Variants in ZNF804A observed in about 807,000 individuals in gnomAD.
ZNF804A encodes zinc finger protein 804A.
In ZNF804A, 2 loss-of-function variants were observed where a neutral mutation model predicts 16.5. That is an observed-to-expected ratio of 0.12 (90% CI 0.05 to 0.38). The LOEUF (loss-of-function observed/expected upper bound fraction) is 0.38. ZNF804A is among the 10% of genes least tolerant of loss of function. ZNF804A has a pLI of 0.99. For missense variants in ZNF804A, 1,473 were observed against 1,390.7 expected (o/e 1.06, Z -0.94); for synonymous variants, 534 against 489.6 (o/e 1.09, Z -1.20).
At chr2:184,635,850 T>C (rs970627395) in intron 1 of ZNF804A, among the ~76,000 whole-genome samples, 3 of 152,142 alleles carry the variant, frequency 2.0e-5, no homozygotes, top group South Asian at 4.1e-4. Flanking sequence ...GACTAGTTGA[T>C]AGATAATGAT....
At chr2:184,901,700 T>C (rs1685184576) in intron 2 of ZNF804A, among the ~76,000 whole-genome samples, 1 of 152,172 alleles carries the variant, frequency 6.6e-6, no homozygotes, top group Non-Finnish European at 1.5e-5. Context: ...CTAAATATTA[T>C]TGTAAATTCC....
chr2:184,622,850 G>A (rs926344487), intron 1 of ZNF804A, among the ~76,000 whole-genome samples: 4 of 151,934 alleles, frequency 2.6e-5, no homozygotes, highest in African/African-American at 9.7e-5. Flanking sequence ...AAAATTTTCA[G>A]TGCCTATAAG....
At chr2:184,885,021 A>G (rs149652768) in intron 2 of ZNF804A, among the ~76,000 whole-genome samples, 2 of 152,318 alleles carry the variant, frequency 1.3e-5, no homozygotes, top group East Asian at 1.9e-4. Flanking sequence ...AAACAACCCC[A>G]TTAAAAAGTA....
At chr2:184,626,146 G>T (rs1287262044) in intron 1 of ZNF804A, among the ~76,000 whole-genome samples, 1 of 152,092 alleles carries the variant, frequency 6.6e-6, no homozygotes, top group African/African-American at 2.4e-5. Context: ...GGGATTACAG[G>T]CATGAGCCAC....
intron 1 of ZNF804A, among the ~76,000 whole-genome samples, chr2:184,754,090 T>C (rs898966219): frequency 1.3e-5 from 2 of 151,898 alleles, no homozygotes; most frequent in Admixed American, 6.6e-5. Flanking sequence ...TTTCATCTGG[T>C]AACCTTACTT....
chr2:184,911,096 C>G (rs1685349395), intron 2 of ZNF804A, among the ~76,000 whole-genome samples: 1 of 151,766 alleles, frequency 6.6e-6, no homozygotes. Flanking sequence ...TTCTACGATT[C>G]TTATAGTTTG....
chr2:184,729,981 T>C (rs1479563868), intron 1 of ZNF804A, among the ~76,000 whole-genome samples: 1 of 152,146 alleles, frequency 6.6e-6, no homozygotes, highest in African/African-American at 2.4e-5. Flanking sequence ...AAATTACTAG[T>C]ATTGGTCCTG....
At chr2:184,603,821 C>T (rs1423576481) in intron 1 of ZNF804A, among the ~76,000 whole-genome samples, 4 of 151,928 alleles carry the variant, frequency 2.6e-5, no homozygotes, top group African/African-American at 4.8e-5. Context: ...TATTAAAGAC[C>T]ATCTTGTGTT....
intron 1 of ZNF804A, among the ~76,000 whole-genome samples, chr2:184,621,418 T>C (rs1364000475): frequency 2.0e-5 from 3 of 151,746 alleles, no homozygotes; most frequent in South Asian, 2.1e-4. Context: ...TATTTCTAGA[T>C]GGACAATCCG....
intron 1 of ZNF804A, among the ~76,000 whole-genome samples, chr2:184,781,988 T>G (rs567590806): frequency 1.4e-4 from 22 of 151,936 alleles, no homozygotes; most frequent in African/African-American, 4.6e-4. Flanking sequence ...CATTTCTTCT[T>G]GTATCTTCAC....
At chr2:184,796,027 T>A (rs562477765) in intron 1 of ZNF804A, among the ~76,000 whole-genome samples, 187 of 152,264 alleles carry the variant, frequency 1.2e-3, no homozygotes, top group African/African-American at 4.5e-3. Context: ...ATTTATTGAC[T>A]CGCATATGTT....
At chr2:184,885,452 A>G (rs1255516147) in intron 2 of ZNF804A, among the ~76,000 whole-genome samples, 1 of 152,154 alleles carries the variant, frequency 6.6e-6, no homozygotes, top group East Asian at 1.9e-4. Flanking sequence ...GCTCATCAAA[A>G]GTAGAGTGGA....
chr2:184,931,099 A>C (rs1685691479), intron 2 of ZNF804A, among the ~76,000 whole-genome samples: 1 of 152,188 alleles, frequency 6.6e-6, no homozygotes, highest in Non-Finnish European at 1.5e-5. Flanking sequence ...TCACTAGAAC[A>C]GCACGGGAAA....
At chr2:184,658,520 G>A (rs1308800618) in intron 1 of ZNF804A, among the ~76,000 whole-genome samples, 1 of 151,970 alleles carries the variant, frequency 6.6e-6, no homozygotes, top group East Asian at 1.9e-4. Context: ...AAAACACCAA[G>A]AATTTTTTTT....
intron 1 of ZNF804A, among the ~76,000 whole-genome samples, chr2:184,666,365 A>C (rs1235604655): frequency 6.6e-6 from 1 of 152,110 alleles, no homozygotes; most frequent in East Asian, 1.9e-4. Flanking sequence ...AAAAACAAAA[A>C]GTATGTTACA....
intron 1 of ZNF804A, among the ~76,000 whole-genome samples, chr2:184,719,137 G>C (rs568924838): frequency 8.5e-5 from 13 of 152,278 alleles, no homozygotes; most frequent in Admixed American, 2.6e-4. Flanking sequence ...CCACATGAAA[G>C]CTGCCAAGGC....
intron 1 of ZNF804A, among the ~76,000 whole-genome samples, chr2:184,645,097 A>G (rs1268839839): frequency 6.6e-6 from 1 of 152,096 alleles, no homozygotes; most frequent in Non-Finnish European, 1.5e-5. Context: ...CTAAAATCCT[A>G]TAAATGACAT....
At chr2:184,827,943 G>A (rs968305042) in intron 1 of ZNF804A, among the ~76,000 whole-genome samples, 38 of 151,414 alleles carry the variant, frequency 2.5e-4, no homozygotes, top group African/African-American at 7.3e-5. Context: ...AAAATAATTC[G>A]ATGTTCAGAT....
At chr2:184,926,675 T>C (rs548582864) in intron 2 of ZNF804A, among the ~76,000 whole-genome samples, 1 of 152,248 alleles carries the variant, frequency 6.6e-6, no homozygotes, top group South Asian at 2.1e-4. Flanking sequence ...CCGGATCCTG[T>C]AGGTGTGATT....
Sources: allele counts gnomAD v4.1 joint callset (sites outside exome capture counted in the v4.1 genomes callset), GRCh38; gene constraint gnomAD v4.1.1; transcripts MANE v1.5; gene names NCBI Gene and HGNC (gene_info 2026-07-23, HGNC 2026-07-21).